The following ACYP2 variants were observed in gnomAD, a reference collection of about 807,000 sequenced individuals.
The protein encoded by ACYP2 is acylphosphatase 2.
In ACYP2, 12 loss-of-function variants were observed where a neutral mutation model predicts 11.2. The observed-to-expected ratio is 1.08, with a 90% CI of 0.69 to 1.74. The LOEUF is 1.74. Ranked by LOEUF, ACYP2 falls within the 40% of genes most tolerant of loss-of-function variation. The probability of loss-of-function intolerance (pLI) is 0.00; values close to 1 mark genes in which losing one functional copy is unlikely to be tolerated. For synonymous variants in ACYP2, 43 were observed against 32.2 expected (o/e 1.33, Z -1.13); for missense variants, 134 against 101.9 (o/e 1.31, Z -1.35).
In ACYP2 at chr2:53,990,658, AAAAAAAAAAG is replaced by A. The variant is rs1442618607; in HGVS notation, c.62+16864_62+16873del. Among the ~76,000 whole-genome samples the A allele has an allele frequency of 6.6e-5, 10 of 151,548 alleles. No individual in the cohort carries two copies. The East Asian group carries it at 9.7e-4, about 15-fold the overall frequency. ...GAGCAAAACTCCGTCTTACCAAAAAAAAAAAAAAAGAAAAAAAAAGAAAAAGAATCCTCAC... is the reference window on the plus strand; with the variant it reads ...GAGCAAAACTCCGTCTTACCAAAAAAAAAAAAAAAGAAAAAGAATCCTCAC... On this transcript the variant is annotated intron_variant, in intron 2 of 6. Transcript: ENST00000607452.
chr2:53,999,562 C>T (rs1228843410), intron 2 of ACYP2, among the ~76,000 whole-genome samples: 1 of 152,160 alleles, frequency 6.6e-6, no homozygotes, highest in Admixed American at 6.6e-5. Flanking sequence ...ACCAACCTAG[C>T]ACCCTTCCAG....
chr2:53,972,164 G>C (rs1671172998), intron 1 of ACYP2, among the ~76,000 whole-genome samples: 4 of 151,090 alleles, frequency 2.6e-5, no homozygotes, highest in Admixed American at 2.0e-4. Flanking sequence ...AAAAAAGTTA[G>C]CCGGGCGTGG....
chr2:54,009,396 T>G (rs1673245625), intron 2 of ACYP2, among the ~76,000 whole-genome samples: 2 of 151,560 alleles, frequency 1.3e-5, no homozygotes, highest in South Asian at 2.1e-4. Flanking sequence ...CTGTCTCTAC[T>G]TAAAAACACA....
At chr2:53,996,461 CTT>C (rs1672580134) in intron 2 of ACYP2, among the ~76,000 whole-genome samples, 1 of 152,102 alleles carries the variant, frequency 6.6e-6, no homozygotes, top group Non-Finnish European at 1.5e-5. Flanking sequence ...GAGCCTGAGA[CTT>C]TGATATATAT....
intron 6 of ACYP2, chr2:54,255,191 C>G (rs1351949968): frequency 1.2e-6 from 2 of 1,614,086 alleles, no homozygotes; most frequent in Non-Finnish European, 1.7e-6. Flanking sequence ...AAAGACACCA[C>G]TTGGCCGAAG....
chr2:54,180,000 C>T (rs371582214), intron 6 of ACYP2, among the ~76,000 whole-genome samples: 1 of 152,136 alleles, frequency 6.6e-6, no homozygotes, highest in Admixed American at 6.6e-5. Flanking sequence ...AACTTCTGAC[C>T]AACTGACTGG....
intron 2 of ACYP2, among the ~76,000 whole-genome samples, chr2:53,994,968 A>C (rs533171230): frequency 6.6e-6 from 1 of 152,170 alleles, no homozygotes; most frequent in South Asian, 2.1e-4. Context: ...ACCATGTGAC[A>C]GTTCTTTATA....
chr2:54,144,767 C>T (rs528028209), intron 6 of ACYP2, among the ~76,000 whole-genome samples: 13 of 151,318 alleles, frequency 8.6e-5, no homozygotes, highest in Admixed American at 7.9e-4. Flanking sequence ...CTCCTTTTTC[C>T]TTAATCAAGC....
intron 6 of ACYP2, among the ~76,000 whole-genome samples, chr2:54,251,341 T>C (rs1418935043): frequency 6.6e-6 from 1 of 150,692 alleles, no homozygotes; most frequent in Non-Finnish European, 1.5e-5. Context: ...TGGCAGAGAG[T>C]TTCCAGAAAA....
At chr2:54,267,014 G>A (rs1039982168) in intron 6 of ACYP2, among the ~76,000 whole-genome samples, 3 of 152,082 alleles carry the variant, frequency 2.0e-5, no homozygotes, top group Non-Finnish European at 2.9e-5. Flanking sequence ...TAAACTCTAC[G>A]GGGTACTCTC....
chr2:54,084,089 G>A lies in ACYP2; in HGVS notation c.277+26729G>A, dbSNP rs949713851. Among the ~76,000 whole-genome samples the A allele has an allele frequency of 6.6e-5, 10 of 151,914 alleles. No individual in the cohort carries two copies. The South Asian group carries it at 1.7e-3, about 25-fold the overall frequency. ...ATTTATTTTTTTCCCAGAGTATAAC[G>A]TTTCTTCCATCTCTAAAGGTTCAGC... is the stretch of plus-strand genomic sequence containing the variant. On this transcript the variant is annotated intron_variant, in intron 4 of 6. Coordinates refer to ENST00000607452, the MANE Select transcript of ACYP2 (RefSeq NM_001320586.2).
At chr2:54,078,239 G>T (rs1348236384) in intron 4 of ACYP2, among the ~76,000 whole-genome samples, 2 of 151,832 alleles carry the variant, frequency 1.3e-5, no homozygotes, top group Non-Finnish European at 2.9e-5. Context: ...GAGCCACTGT[G>T]CCTGGCCAAT....
At chr2:54,224,074 G>C (rs535546352) in intron 6 of ACYP2, among the ~76,000 whole-genome samples, 41 of 152,290 alleles carry the variant, frequency 2.7e-4, no homozygotes, top group Admixed American at 7.2e-4. Context: ...TGTTAGTCCA[G>C]TCTTATTACT....
intron 6 of ACYP2, among the ~76,000 whole-genome samples, chr2:54,192,712 T>A (rs1397813365): frequency 6.6e-6 from 1 of 152,144 alleles, no homozygotes; most frequent in Non-Finnish European, 1.5e-5. Context: ...TGCCCGAGAT[T>A]GGGTAATTTA....
chr2:54,019,260 G>A (rs1280556170), intron 2 of ACYP2, among the ~76,000 whole-genome samples: 3 of 151,808 alleles, frequency 2.0e-5, no homozygotes. Context: ...TTGTGGAGAT[G>A]TGTGTCTCCC....
At chr2:54,086,821 A>C (rs1158805835) in intron 4 of ACYP2, among the ~76,000 whole-genome samples, 1 of 152,232 alleles carries the variant, frequency 6.6e-6, no homozygotes, top group African/African-American at 2.4e-5. Flanking sequence ...AAATGTTTGG[A>C]GACACTGCAT....
At chr2:54,051,406 G>A (rs1974771) in intron 3 of ACYP2, 80,549 of 727,612 alleles carry the variant, frequency 0.11, 5,027 homozygotes, top group East Asian at 0.22. Context: ...GGTAGAGAAG[G>A]CCCATTATGA....
chr2:54,279,641 T>C (rs936490895), intron 6 of ACYP2, among the ~76,000 whole-genome samples: 2 of 151,944 alleles, frequency 1.3e-5, no homozygotes, highest in African/African-American at 4.8e-5. Flanking sequence ...TTTTCACGTC[T>C]CTGGAAGCCC....
chr2:54,050,945 TC>T lies in ACYP2; in HGVS notation c.63-12del. The T allele has an allele frequency of 7.4e-6, 3 of 407,458 alleles. No individual in the cohort carries two copies. Among genetic ancestry groups the T allele is most frequent in the Non-Finnish European group, 1.3e-5 (3 of 232,070 alleles). The allele number at this position is 407,458 out of a possible 1,614,324, so 25.2% of individuals were successfully genotyped here. On this transcript the variant is annotated splice_polypyrimidine_tract_variant and intron_variant, in intron 2 of 6. Transcript: ENST00000607452. ...GTGCACCCAACTAATTAAATTTTTTTCTTTTTTTGTAGATACAAGGTCTCGC... is the reference window on the plus strand; with the variant it reads ...GTGCACCCAACTAATTAAATTTTTTTTTTTTTTGTAGATACAAGGTCTCGC...
Sources: allele counts gnomAD v4.1 joint callset (sites outside exome capture counted in the v4.1 genomes callset), GRCh38; gene constraint gnomAD v4.1.1; transcripts MANE v1.5; gene names NCBI Gene and HGNC (gene_info 2026-07-23, HGNC 2026-07-21).